RTL4: variants seen among roughly 807,000 people sequenced by gnomAD.
The protein encoded by RTL4 is retrotransposon Gag-like protein 4.
Under a neutral mutation model 5.3 loss-of-function variants are expected in RTL4, and 4 were observed. The observed-to-expected ratio is 0.75, with a 90% CI of 0.37 to 1.72. The LOEUF (loss-of-function observed/expected upper bound fraction) is 1.72. RTL4 is among the 40% of genes most tolerant of loss of function. The pLI is 0.04. For missense variants in RTL4, 260 were observed against 227.1 expected (o/e 1.14, Z -0.93); for synonymous variants, 98 against 87.3 (o/e 1.12, Z -0.68).
chrX:112,318,963 C>G, the RTL4 span, among the ~76,000 whole-genome samples: 2 of 111,141 alleles, frequency 1.8e-5, no homozygotes, highest in African/African-American at 6.5e-5. Context: ...ATTCTAAAGT[C>G]TTTTTAGTTC....
the RTL4 span, among the ~76,000 whole-genome samples, chrX:112,177,747 G>A: frequency 9.0e-6 from 1 of 110,925 alleles, no homozygotes; most frequent in Admixed American, 9.7e-5. Flanking sequence ...CAGTTTTGCA[G>A]CTTCTACTAG....
chrX:112,443,342 A>G, the RTL4 span, among the ~76,000 whole-genome samples: 24,901 of 111,139 alleles, frequency 0.22, 2,146 homozygotes, highest in Middle Eastern at 0.29. Flanking sequence ...GTTCATGGAC[A>G]CTTAGCTTGC....
chrX:112,407,078 G>C, the RTL4 span, among the ~76,000 whole-genome samples: 1 of 109,884 alleles, frequency 9.1e-6, no homozygotes, highest in Admixed American at 9.8e-5. Flanking sequence ...CACATCCCCA[G>C]ATATGATGGC....
At chrX:112,226,998 A>ATAAAG in the RTL4 span, among the ~76,000 whole-genome samples, 1 of 108,476 alleles carries the variant, frequency 9.2e-6, no homozygotes, top group Admixed American at 9.8e-5. Context: ...ACAAAATAAA[A>ATAAAG]TAAAATAAAA....
the RTL4 span, among the ~76,000 whole-genome samples, chrX:112,440,039 GA>G: frequency 9.0e-6 from 1 of 111,433 alleles, no homozygotes; most frequent in Non-Finnish European, 1.9e-5. Context: ...CATTTGGACA[GA>G]AAAAAAGATG....
chrX:112,399,709 G>C, the RTL4 span, among the ~76,000 whole-genome samples: 2 of 111,084 alleles, frequency 1.8e-5, no homozygotes, highest in South Asian at 7.6e-4. Flanking sequence ...CATTCATTTT[G>C]ATCAATCTAG....
the RTL4 span, among the ~76,000 whole-genome samples, chrX:112,250,141 T>C: frequency 9.1e-6 from 1 of 109,870 alleles, no homozygotes; most frequent in Non-Finnish European, 1.9e-5. Flanking sequence ...TAGCTGGGCG[T>C]GGTGGCTGGC....
At chrX:112,200,253 A>G in the RTL4 span, among the ~76,000 whole-genome samples, 1 of 112,073 alleles carries the variant, frequency 8.9e-6, no homozygotes, top group South Asian at 3.7e-4. Flanking sequence ...CCAACATGCA[A>G]TGTGACAGGG....
chrX:112,135,850 T>G, the RTL4 span, among the ~76,000 whole-genome samples: 1 of 107,717 alleles, frequency 9.3e-6, no homozygotes, highest in African/African-American at 3.4e-5. Context: ...TTTATATACA[T>G]ATATTTATAT....
At chrX:112,093,937 G>C in the RTL4 span, among the ~76,000 whole-genome samples, 1 of 111,507 alleles carries the variant, frequency 9.0e-6, no homozygotes. Flanking sequence ...ATAGTCAGGG[G>C]CTGTTATGCA....
At chrX:112,205,637 A>G in the RTL4 span, among the ~76,000 whole-genome samples, 1 of 111,560 alleles carries the variant, frequency 9.0e-6, no homozygotes, top group South Asian at 3.8e-4. Flanking sequence ...GCACACACAC[A>G]GGCACACATA....
the RTL4 span, among the ~76,000 whole-genome samples, chrX:112,424,963 G>A: frequency 1.8e-5 from 2 of 110,762 alleles, no homozygotes; most frequent in African/African-American, 6.5e-5. Context: ...GTTGACATTA[G>A]GATTCACTCT....
chrX:112,348,511 C>T, the RTL4 span, among the ~76,000 whole-genome samples: 6 of 109,950 alleles, frequency 5.5e-5, no homozygotes, highest in Non-Finnish European at 7.6e-5. Context: ...CACACACATA[C>T]ACCCACAGAA....
the RTL4 span, among the ~76,000 whole-genome samples, chrX:112,411,413 T>C: frequency 9.0e-6 from 1 of 111,314 alleles, no homozygotes; most frequent in African/African-American, 3.3e-5. Context: ...AAGGAAACTA[T>C]ATGCCAATAT....
chrX:112,241,913 T>G, the RTL4 span, among the ~76,000 whole-genome samples: 1 of 112,391 alleles, frequency 8.9e-6, no homozygotes, highest in African/African-American at 3.2e-5. Context: ...TTTCTACATA[T>G]GGCTAGCCAG....
the RTL4 span, among the ~76,000 whole-genome samples, chrX:112,091,446 A>G: frequency 8.9e-6 from 1 of 111,809 alleles, no homozygotes; most frequent in Non-Finnish European, 1.9e-5. Context: ...TTTCATCTTC[A>G]TTCTTCTCAA....
At chrX:112,231,808 G>T in the RTL4 span, among the ~76,000 whole-genome samples, 3 of 111,105 alleles carry the variant, frequency 2.7e-5, no homozygotes, top group Admixed American at 9.6e-5. Flanking sequence ...CCTTGTTATT[G>T]TCCCTATTTT....
the RTL4 span, among the ~76,000 whole-genome samples, chrX:112,137,667 G>A: frequency 4.9e-4 from 55 of 111,673 alleles, no homozygotes; most frequent in Non-Finnish European, 7.5e-5. Flanking sequence ...CACACGTGGG[G>A]ATTACAATTT....
At chrX:112,332,393 T>C in the RTL4 span, among the ~76,000 whole-genome samples, 1 of 110,454 alleles carries the variant, frequency 9.1e-6, no homozygotes, top group East Asian at 2.9e-4. Context: ...GTATGTTTAT[T>C]GCAGCACTAT....
Sources: gnomAD v4.1 joint callset for allele counts (sites outside exome capture counted in the v4.1 genomes callset) on GRCh38, gnomAD v4.1.1 for gene constraint, MANE v1.5 for transcripts, NCBI Gene and HGNC (gene_info 2026-07-23, HGNC 2026-07-21) for gene names.